Variants in SRPK2 observed in about 807,000 individuals in gnomAD.
SRPK2 encodes the protein SFRS protein kinase 2.
Under a neutral mutation model 90.8 loss-of-function variants are expected in SRPK2, and 21 were observed. The observed-to-expected ratio is 0.23, with a 90% CI of 0.16 to 0.33. The LOEUF (loss-of-function observed/expected upper bound fraction) is 0.33. SRPK2 is among the 10% of genes least tolerant of loss of function. The pLI, the probability that SRPK2 is intolerant of heterozygous loss-of-function variation, is 1.00. For synonymous variants in SRPK2, 288 were observed against 311.1 expected (o/e 0.93, Z 0.78); for missense variants, 620 against 869.0 (o/e 0.71, Z 3.60).
At chr7:105,296,936 A>T (rs1188473415) in intron 2 of SRPK2, among the ~76,000 whole-genome samples, 1 of 152,206 alleles carries the variant, frequency 6.6e-6, no homozygotes, top group Non-Finnish European at 1.5e-5. Context: ...AAACAAATCC[A>T]GGCACTCCAG....
chr7:105,203,607 C>T (rs1484085340), intron 3 of SRPK2, 21 bp downstream of exon 3: 3 of 1,469,426 alleles, frequency 2.0e-6, no homozygotes, highest in Non-Finnish European at 2.7e-6. Flanking sequence ...AAGCCCCACA[C>T]CACCATGCTT....
chr7:105,275,957 C>G (rs1456940547), intron 2 of SRPK2, among the ~76,000 whole-genome samples: 2 of 152,164 alleles, frequency 1.3e-5, no homozygotes, highest in African/African-American at 4.8e-5. Context: ...ATAATTAGAG[C>G]TACATCCTTT....
intron 2 of SRPK2, among the ~76,000 whole-genome samples, chr7:105,351,820 G>C (rs1203151525): frequency 7.8e-6 from 1 of 128,058 alleles, no homozygotes; most frequent in Non-Finnish European, 1.5e-5. Context: ...AAAAAAAAAA[G>C]AAGAAGAAGA....
At chr7:105,145,340 G>T in intron 8 of SRPK2, 32 bp from the exon 9 acceptor site, 1 of 1,547,368 alleles carries the variant, frequency 6.5e-7, no homozygotes, top group Non-Finnish European at 8.8e-7. Flanking sequence ...TCTGTATTTA[G>T]CAGAAAACAG....
At chr7:105,219,593 A>C (rs1191693681) in intron 2 of SRPK2, among the ~76,000 whole-genome samples, 1 of 152,242 alleles carries the variant, frequency 6.6e-6, no homozygotes, top group African/African-American at 2.4e-5. Flanking sequence ...TATGTGCCTA[A>C]GAACAGACTG....
chr7:105,252,736 CTTTTTTTTTTCTTTTTTT>C (rs1304529005), intron 2 of SRPK2, among the ~76,000 whole-genome samples: 1 of 126,804 alleles, frequency 7.9e-6, no homozygotes, highest in East Asian at 2.1e-4. Flanking sequence ...TCTTTCTTTT[CTTTTTTTTTTCTTTTTTT>C]TTTTTTGAGA....
rs923793063 is a variant in SRPK2, at chr7:105,175,586, T to C, written c.230-6321A>G. On this transcript the variant is annotated intron_variant, in intron 3 of 15. Transcript: ENST00000393651. ...CGAGAAAATCAGTGAAAACAAAAGCTGGTTCTTTAAGAAAATAAAAGCAAT... is the reference window on the plus strand; with the variant it reads ...CGAGAAAATCAGTGAAAACAAAAGCCGGTTCTTTAAGAAAATAAAAGCAAT... 2.0e-5 allele frequency among the ~76,000 whole-genome samples: 3 copies of C among 152,074 alleles called. No homozygotes were observed. In the South Asian group the frequency reaches 6.2e-4, roughly 32 times the overall value.
chr7:105,184,371 A>G (rs1793301911), intron 3 of SRPK2, among the ~76,000 whole-genome samples: 1 of 152,060 alleles, frequency 6.6e-6, no homozygotes, highest in African/African-American at 2.4e-5. Flanking sequence ...AATCCAAACC[A>G]CTGTTACAAA....
At chr7:105,240,443 G>A (rs1800662785) in intron 2 of SRPK2, among the ~76,000 whole-genome samples, 2 of 152,070 alleles carry the variant, frequency 1.3e-5, no homozygotes, top group South Asian at 4.1e-4. Context: ...TCTATCTGGA[G>A]GAAGTATGGA....
At position 105,160,558 on chromosome 7, in the gene SRPK2, T is replaced by C; in HGVS notation, c.570A>G (p.Lys190=). 1 of 1,613,904 alleles carries C rather than the reference T, an allele frequency of 6.2e-7. No individual in the cohort carries two copies. Among genetic ancestry groups the C allele is most frequent in the South Asian group, 1.1e-5 (1 of 91,064 alleles). The change falls in exon 7 of 16, where the codon AAA becomes AAG. Residue 190 remains lysine, a synonymous_variant. Transcript: ENST00000393651. ...LGHHLLKWII[K]SNYQGLPVRC... ...GTACTGGGAGGCCTTGATAGTTGGA[T>C]TTGATGATCCACTTGAGGAGATGGT...
rs1000858732 is a variant in SRPK2 at position 105,388,868 on chromosome 7, T to C, written c.-62A>G. Reference sequence around the variant, plus strand: ...CGGCGACGCGGGCGCCGAGACGAGCTGGGCTGCAGCCTCCACTCGCTCCGC... The same window carrying C: ...CGGCGACGCGGGCGCCGAGACGAGCCGGGCTGCAGCCTCCACTCGCTCCGC... On this transcript the variant is annotated 5_prime_UTR_variant, in exon 1 of 16. Transcript: ENST00000393651. 7 of 1,281,330 alleles carry C rather than the reference T, an allele frequency of 5.5e-6. No individual in the cohort carries two copies. The African/African-American group carries it at 9.4e-5, about 17-fold the overall frequency. The allele number at this position is 1,281,330 out of a possible 1,614,324, so 79.4% of individuals were successfully genotyped here.
chr7:105,157,831 T>C (rs1467215005), intron 7 of SRPK2, among the ~76,000 whole-genome samples: 7 of 152,116 alleles, frequency 4.6e-5, no homozygotes, highest in Non-Finnish European at 8.8e-5. Context: ...TTTGGGAGGC[T>C]GAGATGGGAA....
At chr7:105,227,784 T>C (rs1798889556) in intron 2 of SRPK2, among the ~76,000 whole-genome samples, 1 of 151,516 alleles carries the variant, frequency 6.6e-6, no homozygotes, top group Non-Finnish European at 1.5e-5. Context: ...ACATGAATGT[T>C]CAGTCACAAT....
At chr7:105,294,617 C>T (rs1299832602) in intron 2 of SRPK2, among the ~76,000 whole-genome samples, 1 of 152,122 alleles carries the variant, frequency 6.6e-6, no homozygotes, top group East Asian at 1.9e-4. Flanking sequence ...ACCTCCGCCT[C>T]CCAGGTTCGA....
At chr7:105,383,483 T>C (rs1821195240) in intron 2 of SRPK2, among the ~76,000 whole-genome samples, 1 of 151,778 alleles carries the variant, frequency 6.6e-6, no homozygotes, top group Non-Finnish European at 1.5e-5. Context: ...TGCAGCGGCA[T>C]GATCTCGGCT....
At chr7:105,262,779 G>C (rs1804480664) in intron 2 of SRPK2, among the ~76,000 whole-genome samples, 3 of 152,062 alleles carry the variant, frequency 2.0e-5, no homozygotes, top group South Asian at 4.1e-4. Context: ...CAAACTCTGG[G>C]TAACACTGGT....
At position 105,146,505 on chromosome 7, in the gene SRPK2, AAGG is replaced by A; in HGVS notation, c.772_774del (p.Pro258del). The A allele has an allele frequency of 6.2e-7, 1 of 1,614,128 alleles. No individual in the cohort carries two copies. The highest frequency in any genetic ancestry group is 8.5e-7 in the Non-Finnish European group (1 of 1,179,996). ...TCAGCTCCCTCACCTGCAGACCCTGAAGGAGGAGGAGCACCTGCTTTCTGCCAC... is the reference window on the plus strand; with the variant it reads ...TCAGCTCCCTCACCTGCAGACCCTGAAGGAGGAGCACCTGCTTTCTGCCAC... On this transcript the variant is annotated inframe_deletion, in exon 8 of 16. Coordinates refer to ENST00000393651, the MANE Select transcript of SRPK2 (RefSeq NM_182692.3).
At chr7:105,265,742 C>CA (rs902879380) in intron 2 of SRPK2, among the ~76,000 whole-genome samples, 1 of 151,216 alleles carries the variant, frequency 6.6e-6, no homozygotes, top group Non-Finnish European at 1.5e-5. Context: ...AACAGGCACT[C>CA]AAAAAAAAGG....
chr7:105,258,116 A>C (rs1433467215), intron 2 of SRPK2, among the ~76,000 whole-genome samples: 1 of 151,482 alleles, frequency 6.6e-6, no homozygotes, highest in Non-Finnish European at 1.5e-5. Context: ...AAAACAAAAA[A>C]AAAAGGAAAG....
Sources: gnomAD v4.1 joint callset for allele counts (sites outside exome capture counted in the v4.1 genomes callset) on GRCh38, gnomAD v4.1.1 for gene constraint, MANE v1.5 for transcripts, NCBI Gene and HGNC (gene_info 2026-07-23, HGNC 2026-07-21) for gene names.